The following GNB1L variants were observed in gnomAD, a reference collection of about 807,000 sequenced individuals.
GNB1L encodes G protein subunit beta 1 like, also known as guanine nucleotide-binding protein subunit beta-like protein 1.
Under a neutral mutation model 29.1 loss-of-function variants are expected in GNB1L, and 20 were observed. That is an observed-to-expected ratio of 0.69 (90% confidence interval 0.48 to 1.00). The LOEUF (loss-of-function observed/expected upper bound fraction) is 1.00, where lower values mean the gene tolerates loss of function less well. Ranked by LOEUF, GNB1L falls within the 50% of genes least tolerant of loss-of-function variation. GNB1L has a pLI of 0.00. For synonymous variants in GNB1L, 193 were observed against 206.5 expected, an observed-to-expected ratio of 0.93 and a Z score of 0.56; for missense variants, 421 against 464.9, an observed-to-expected ratio of 0.91 and a Z score of 0.87.
At chr22:19,811,043 G>A (rs1046248669) in intron 5 of GNB1L, among the ~76,000 whole-genome samples, 2 of 152,214 alleles carry the variant, frequency 1.3e-5, no homozygotes, top group African/African-American at 4.8e-5. Flanking sequence ...CAGCATTCCT[G>A]TGGGTCTGTA....
intron 2 of GNB1L, among the ~76,000 whole-genome samples, chr22:19,823,979 C>A (rs1470362933): frequency 2.0e-5 from 3 of 152,218 alleles, no homozygotes; most frequent in Non-Finnish European, 4.4e-5. Context: ...CCCCCACATG[C>A]CACCTGCCTG....
intron 7 of GNB1L, among the ~76,000 whole-genome samples, chr22:19,798,844 C>T (rs1433870990): frequency 6.6e-6 from 1 of 152,248 alleles, no homozygotes; most frequent in East Asian, 1.9e-4. Context: ...GCCCTGTGTT[C>T]CTGAAGAAGA....
chr22:19,817,885 G>GA (rs1937544096), intron 4 of GNB1L, among the ~76,000 whole-genome samples: 1 of 152,204 alleles, frequency 6.6e-6, no homozygotes, highest in Admixed American at 6.5e-5. Flanking sequence ...TACTTCACAA[G>GA]AAAAAAGATT....
rs1441951514 is a variant in GNB1L at position 19,785,479 on chromosome 22, G to GA, written c.*3229dup. ...CCTGAGTTGGCACTGAAAATGGCAA[G>GA]AAATGTCCGCCGTTGTTTCCAAACA... is the stretch of plus-strand genomic sequence containing the variant. On this transcript the variant is annotated 3_prime_UTR_variant, in exon 8 of 8. Coordinates refer to ENST00000329517, the MANE Select transcript of GNB1L (RefSeq NM_053004.3). The surrounding 1 kb of genome is among the most constrained non-coding windows in gnomAD (Gnocchi z 4.1). 2 of 152,206 alleles carry GA rather than the reference G, an allele frequency of 1.3e-5. No homozygotes were observed. The highest frequency in any genetic ancestry group is 3.9e-4 in the East Asian group (2 of 5,160). 9.4% of individuals were successfully genotyped at this position (152,206 alleles called of 1,614,324 possible). A position where few individuals can be genotyped will look rare whatever the true frequency, so the allele number is the denominator to read the frequency against.
At chr22:19,847,167 G>C (rs1937980439) in intron 2 of GNB1L, 1 of 985,322 alleles carries the variant, frequency 1.0e-6, no homozygotes, top group Non-Finnish European at 1.2e-6. Context: ...CAGTGAGCAT[G>C]GAGAAATATG....
chr22:19,801,636 C>T (rs924206678), intron 7 of GNB1L, among the ~76,000 whole-genome samples: 3 of 151,504 alleles, frequency 2.0e-5, no homozygotes, highest in African/African-American at 4.9e-5. Flanking sequence ...TGCAGCTCCT[C>T]GCAGTTTTCC....
Position 19,784,582 on chromosome 22 carries a change from C to T in GNB1L, c.*4127G>A, listed in dbSNP as rs1024174133. On this transcript the variant is annotated 3_prime_UTR_variant, in exon 8 of 8. Transcript: ENST00000329517. ...CAACGCTGGGTGAGTGCTGCCCGCC[C>T]GCGGATGGGGTGCTGGCCGAACCTA... 2.6e-5 allele frequency: 4 copies of T among 152,526 alleles called. No individual in the cohort carries two copies. The highest frequency in any genetic ancestry group is 1.3e-4 in the Admixed American group (2 of 15,308). 9.4% of individuals were successfully genotyped at this position (152,526 alleles called of 1,614,324 possible). A position where few individuals can be genotyped will look rare whatever the true frequency, so the allele number is the denominator to read the frequency against.
At chr22:19,821,071 T>C (rs1054239029) in intron 3 of GNB1L, among the ~76,000 whole-genome samples, 157 bp downstream of exon 3, 2 of 152,166 alleles carry the variant, frequency 1.3e-5, no homozygotes, top group East Asian at 1.9e-4. Flanking sequence ...CAAGGGACAG[T>C]GTGTCTGCTG....
At chr22:19,820,482 C>A in intron 4 of GNB1L, 116 bp downstream of exon 4, 1 of 1,164,010 alleles carries the variant, frequency 8.6e-7, no homozygotes, top group Non-Finnish European at 1.2e-6. Flanking sequence ...CCTTTGCTGG[C>A]CCCTTCTGGT....
intron 2 of GNB1L, chr22:19,850,352 T>C: frequency 1.0e-6 from 1 of 986,134 alleles, no homozygotes. Flanking sequence ...CCAAGTCATT[T>C]ACACACTAGG....
intron 2 of GNB1L, chr22:19,851,166 T>C (rs760514399): frequency 5.7e-6 from 9 of 1,587,856 alleles, no homozygotes; most frequent in Non-Finnish European, 7.7e-6. Flanking sequence ...CTGGGCTGTG[T>C]TCAGAACCCA....
In GNB1L at chr22:19,788,821, A is replaced by G; in HGVS notation, c.872T>C (p.Leu291Pro). 2 of 1,612,734 alleles carry G rather than the reference A, an allele frequency of 1.2e-6. No homozygotes were observed. The highest frequency in any genetic ancestry group is 1.7e-6 in the Non-Finnish European group (2 of 1,179,902). The change falls in exon 8 of 8, where the codon CTG (leucine) becomes CCG (proline). Residue 291 changes from leucine (L) to proline (P), a missense_variant. By Grantham distance (98) the Leu-to-Pro change is moderately conservative. Coordinates refer to ENST00000329517, the MANE Select transcript of GNB1L (RefSeq NM_053004.3). ...HWRTMQPLAV[L>P]AFHSAAVQCV... ...CTGGACAGCGGCGCTGTGGAAGGCCAGCACGGCCAGTGGCTGCATCGTCCG... is the reference window on the plus strand; with the variant it reads ...CTGGACAGCGGCGCTGTGGAAGGCCGGCACGGCCAGTGGCTGCATCGTCCG...
chr22:19,847,800 T>C (rs1937995242), intron 2 of GNB1L: 4 of 533,232 alleles, frequency 7.5e-6, no homozygotes, highest in Non-Finnish European at 6.3e-6. Flanking sequence ...CCTGGAATCA[T>C]AGGCAAAAAA....
chr22:19,806,217 T>C (rs2145870931), intron 6 of GNB1L, among the ~76,000 whole-genome samples: 1 of 152,356 alleles, frequency 6.6e-6, no homozygotes, highest in Non-Finnish European at 1.5e-5. Flanking sequence ...CTCCTGCCTC[T>C]AAGAGGCAAA....
At chr22:19,812,137 G>T in intron 5 of GNB1L, 148 bp downstream of exon 5, 1 of 776,058 alleles carries the variant, frequency 1.3e-6, no homozygotes, top group Non-Finnish European at 2.0e-6. Context: ...GGCCTAGCCG[G>T]CTGTGCATCA....
At chr22:19,847,673 G>C (rs970874897) in intron 2 of GNB1L, 5 of 984,300 alleles carry the variant, frequency 5.1e-6, no homozygotes, top group Non-Finnish European at 4.8e-6. Context: ...GTCACAGCAT[G>C]CATGTGCCTA....
intron 7 of GNB1L, among the ~76,000 whole-genome samples, chr22:19,795,640 C>T (rs1937297938): frequency 6.6e-6 from 1 of 152,258 alleles, no homozygotes; most frequent in Non-Finnish European, 1.5e-5. Flanking sequence ...AACACACCCC[C>T]ACCAAGGAAC....
intron 2 of GNB1L, chr22:19,847,422 T>C: frequency 1.0e-6 from 1 of 985,370 alleles, no homozygotes; most frequent in South Asian, 4.7e-5. Context: ...ACCCATGAGG[T>C]GGGTGTTAGA....
intron 2 of GNB1L, among the ~76,000 whole-genome samples, chr22:19,841,357 T>A (rs139348626): frequency 6.6e-6 from 1 of 152,372 alleles, no homozygotes; most frequent in Non-Finnish European, 1.5e-5. Context: ...TAATGTATTA[T>A]GAAACTTCAA....
Sources: gnomAD v4.1 joint callset for allele counts (sites outside exome capture counted in the v4.1 genomes callset) on GRCh38, gnomAD v4.1.1 for gene constraint, Gnocchi (gnomAD v3.1) non-coding constraint, MANE v1.5 for transcripts, NCBI Gene and HGNC (gene_info 2026-07-23, HGNC 2026-07-21) for gene names.